The following CCNY variants were observed in gnomAD, a reference collection of about 807,000 sequenced individuals.
The protein encoded by CCNY is cyclin-Y.
CCNY carries 19 observed loss-of-function variants against 42.8 expected under a neutral mutation model. The ratio of observed to expected loss-of-function variants is 0.44; its 90% CI spans 0.31 to 0.65. CCNY has a LOEUF of 0.65. CCNY is among the 30% of genes least tolerant of loss of function. The probability of loss-of-function intolerance (pLI) is 0.07; values close to 1 mark genes in which losing one functional copy is unlikely to be tolerated. For missense variants in CCNY, 370 were observed against 437.3 expected (o/e 0.85, Z 1.37); for synonymous variants, 165 against 162.7 (o/e 1.01, Z -0.11).
chr10:35,370,672 A>G (rs1197513845), intron 1 of CCNY, among the ~76,000 whole-genome samples: 1 of 151,586 alleles, frequency 6.6e-6, no homozygotes, highest in Non-Finnish European at 1.5e-5. Flanking sequence ...CTATTACAAC[A>G]CTTTTCTTCC....
chr10:35,466,417 C>A (rs4934753), intron 1 of CCNY, among the ~76,000 whole-genome samples: 43,996 of 151,964 alleles, frequency 0.29, 6,647 homozygotes, highest in Admixed American at 0.35. Flanking sequence ...TGAAGAGATA[C>A]GGGAAACAAG....
At chr10:35,486,612 TC>T (rs1383989495) in intron 2 of CCNY, among the ~76,000 whole-genome samples, 4 of 152,198 alleles carry the variant, frequency 2.6e-5, no homozygotes, top group African/African-American at 9.6e-5. Context: ...GCCACTGGCT[TC>T]CTTAACCTTT....
Position 35,281,466 on chromosome 10 carries a change from A to AT in CCNY, c.-9+30849dup, listed in dbSNP as rs899538491. ...AGGCACCTGCCACCGTGCCCAGCTA[A>AT]TTTTTTTTTGTATTTTTAGTAGAGA... On this transcript the variant is annotated intron_variant, in intron 3 of 11. Transcript: ENST00000374706. 4.9e-4 allele frequency among the ~76,000 whole-genome samples: 73 copies of AT among 150,348 alleles called. 1 individual carries two copies. The highest frequency in any genetic ancestry group is 3.4e-3 in the Middle Eastern group (1 of 292).
chr10:35,478,560 T>C (rs981985417), intron 1 of CCNY, among the ~76,000 whole-genome samples: 1 of 152,164 alleles, frequency 6.6e-6, no homozygotes, highest in Non-Finnish European at 1.5e-5. Flanking sequence ...ATTTAATAAA[T>C]GGTGCTGGGA....
intron 3 of CCNY, among the ~76,000 whole-genome samples, chr10:35,267,177 G>T (rs1200827595): frequency 6.6e-6 from 1 of 151,776 alleles, no homozygotes; most frequent in East Asian, 1.9e-4. Context: ...GTGCAGAGTG[G>T]TGCTCCTGTA....
chr10:35,411,384 G>A (rs544822274), intron 1 of CCNY, among the ~76,000 whole-genome samples: 2 of 152,032 alleles, frequency 1.3e-5, no homozygotes, highest in Non-Finnish European at 2.9e-5. Flanking sequence ...ATAGTGGCGC[G>A]TGCCTGTGAT....
intron 7 of CCNY, among the ~76,000 whole-genome samples, chr10:35,543,371 A>T (rs1841044556): frequency 6.6e-6 from 1 of 152,220 alleles, no homozygotes. Context: ...GACACAGTTG[A>T]TCCCCCAGCA....
intron 1 of CCNY, among the ~76,000 whole-genome samples, chr10:35,390,668 G>A (rs1381605637): frequency 1.3e-5 from 2 of 152,048 alleles, no homozygotes; most frequent in Non-Finnish European, 2.9e-5. Context: ...CTATGTGCAG[G>A]GCAGACCTCT....
At chr10:35,549,450 A>G (rs1394390166) in intron 7 of CCNY, among the ~76,000 whole-genome samples, 56 of 95,400 alleles carry the variant, frequency 5.9e-4, no homozygotes, top group East Asian at 5.0e-3. Context: ...GCTGCTCATG[A>G]CACATGACCC....
chr10:35,416,341 G>A lies in CCNY; in HGVS notation c.155-67063G>A, dbSNP rs929892672. Among the ~76,000 whole-genome samples, 12 of 152,286 alleles carry A rather than the reference G, an allele frequency of 7.9e-5. No individual in the cohort carries two copies. The East Asian group carries it at 1.9e-3, about 24-fold the overall frequency. On this transcript the variant is annotated intron_variant, in intron 1 of 9. Coordinates refer to ENST00000374704, the MANE Select transcript of CCNY (RefSeq NM_145012.6). ...GGGCCATTAATGGTGGCTCATGCCTGTAATCTCAGCACTTTGGGAGGTTGA... is the reference window on the plus strand; with the variant it reads ...GGGCCATTAATGGTGGCTCATGCCTATAATCTCAGCACTTTGGGAGGTTGA...
rs138524034 is a variant in CCNY, at chr10:35,449,542, G to T, written c.155-33862G>T. Among the ~76,000 whole-genome samples, 450 of 152,236 alleles carry T rather than the reference G, an allele frequency of 3.0e-3. 1 individual carries two copies. Among genetic ancestry groups the T allele is most frequent in the African/African-American group, 0.01 (426 of 41,532 alleles). ...AAAGAAATAGAGGGAAGGCTGCAGA[G>T]GGGGAGGCTGGTTGAGAGCTGTAGT... On this transcript the variant is annotated intron_variant, in intron 1 of 9. Coordinates refer to ENST00000374704, the MANE Select transcript of CCNY (RefSeq NM_145012.6).
chr10:35,271,765 C>T (rs180672038), intron 3 of CCNY, among the ~76,000 whole-genome samples: 6 of 152,310 alleles, frequency 3.9e-5, no homozygotes, highest in Admixed American at 2.6e-4. Flanking sequence ...CCCTCTGCCC[C>T]CCTTGGCAAC....
At chr10:35,376,889 T>TG (rs1564388240) in intron 1 of CCNY, among the ~76,000 whole-genome samples, 1 of 152,170 alleles carries the variant, frequency 6.6e-6, no homozygotes, top group East Asian at 1.9e-4. Context: ...TTGCCAGAGA[T>TG]GGGGGGAGAA....
intron 1 of CCNY, among the ~76,000 whole-genome samples, chr10:35,409,361 A>G (rs1163524567): frequency 6.6e-6 from 1 of 152,192 alleles, no homozygotes; most frequent in African/African-American, 2.4e-5. Context: ...AGAGTCTCCC[A>G]CACTAAGTTC....
intron 3 of CCNY, among the ~76,000 whole-genome samples, chr10:35,266,589 T>C (rs916707941): frequency 1.2e-4 from 18 of 152,230 alleles, no homozygotes; most frequent in Admixed American, 1.1e-3. Context: ...TCATTAACCA[T>C]AAACGAACCG....
rs1841675251 is a variant in CCNY, at chr10:35,571,012, A to G, written c.*1842A>G. ...AAAATCACCTTCTCTCTTCAAGTCA[A>G]AGTTGAATTTAGAACTTTGAATACA... On this transcript the variant is annotated 3_prime_UTR_variant, in exon 10 of 10. Coordinates refer to ENST00000374704, the MANE Select transcript of CCNY (RefSeq NM_145012.6). 1 of 152,306 alleles carries G rather than the reference A, an allele frequency of 6.6e-6. No individual in the cohort carries two copies. Among genetic ancestry groups the G allele is most frequent in the Admixed American group, 6.5e-5 (1 of 15,284 alleles). The allele number at this position is 152,306 out of a possible 1,614,324, so 9.4% of individuals were successfully genotyped here.
intron 1 of CCNY, among the ~76,000 whole-genome samples, chr10:35,469,781 T>G (rs1839348422): frequency 3.1e-5 from 4 of 128,166 alleles, no homozygotes; most frequent in Non-Finnish European, 3.3e-5. Context: ...GACAGGGAGA[T>G]AGGGCACTGG....
At chr10:35,475,109 G>A (rs1839477953) in intron 1 of CCNY, among the ~76,000 whole-genome samples, 1 of 152,144 alleles carries the variant, frequency 6.6e-6, no homozygotes, top group Non-Finnish European at 1.5e-5. Flanking sequence ...AAAGAAAGGA[G>A]CAAAGCCTCC....
chr10:35,430,029 C>T lies in CCNY; in HGVS notation c.155-53375C>T, dbSNP rs527714244. Among the ~76,000 whole-genome samples, 13 of 152,168 alleles carry T rather than the reference C, an allele frequency of 8.5e-5. No individual in the cohort carries two copies. In the East Asian group the frequency reaches 1.2e-3, roughly 14 times the overall value. On this transcript the variant is annotated intron_variant, in intron 1 of 9. Transcript: ENST00000374704. The stretch of plus-strand genomic sequence containing the variant: ...CCTAAGTCCCTCCTTATCTCAGTTT[C>T]ATCATTACAAAAAAAAAGTGATGAG...
Sources: allele counts gnomAD v4.1 joint callset (sites outside exome capture counted in the v4.1 genomes callset), GRCh38; gene constraint gnomAD v4.1.1; transcripts MANE v1.5; gene names NCBI Gene and HGNC (gene_info 2026-07-23, HGNC 2026-07-21).